PDCL3: variants seen among roughly 807,000 people sequenced by gnomAD.
PDCL3 encodes phosducin like 3.
In PDCL3, 22 loss-of-function variants were observed where a neutral mutation model predicts 26.5. The observed-to-expected ratio is 0.83, with a 90% CI of 0.59 to 1.19. The LOEUF (loss-of-function observed/expected upper bound fraction) is 1.19, where lower values mean the gene tolerates loss of function less well. Ranked by LOEUF, PDCL3 falls within the 50% of genes most tolerant of loss-of-function variation. The pLI is 0.00. For synonymous variants in PDCL3, 81 were observed against 104.9 expected, an observed-to-expected ratio of 0.77 and a Z score of 1.39; for missense variants, 246 against 294.1, an observed-to-expected ratio of 0.84 and a Z score of 1.20.
chr2:100,567,012 C>T (rs1006444089), intron 2 of PDCL3, among the ~76,000 whole-genome samples: 3 of 152,082 alleles, frequency 2.0e-5, no homozygotes, highest in East Asian at 1.9e-4. Context: ...TTTGGGGAGG[C>T]ATAAGATGTT....
At chr2:100,567,857 C>T (rs1293836486) in intron 2 of PDCL3, among the ~76,000 whole-genome samples, 2 of 150,436 alleles carry the variant, frequency 1.3e-5, no homozygotes, top group African/African-American at 2.5e-5. Flanking sequence ...GAGTCTCGCT[C>T]TCTTACCCAG....
Position 100,576,404 on chromosome 2 carries a change from G to A in PDCL3, c.628G>A (p.Glu210Lys), listed in dbSNP as rs1195594425. 16 of 1,613,854 alleles carry A rather than the reference G, an allele frequency of 9.9e-6. No individual in the cohort carries two copies. Among genetic ancestry groups the A allele is most frequent in the African/African-American group, 1.3e-5 (1 of 74,916 alleles). The change falls in exon 6 of 6, where the codon GAA becomes AAA. Residue 210 changes from glutamate to lysine, a missense_variant. By Grantham distance (56) the Glu-to-Lys change is moderately conservative. Transcript: ENST00000264254. ...ESGAIMTDLE[E>K]NPKKPIEDVL... ...TGGAGCAATTATGACAGACCTGGAG[G>A]AAAACCCTAAGAAGCCGATTGAAGA...
chr2:100,576,585 G>A lies in PDCL3; in HGVS notation c.*89G>A. 1 of 1,279,252 alleles carries A rather than the reference G, an allele frequency of 7.8e-7. No individual in the cohort carries two copies. Among genetic ancestry groups the A allele is most frequent in the Non-Finnish European group, 1.0e-6 (1 of 989,654 alleles). The allele number at this position is 1,279,252 out of a possible 1,614,324, so 79.2% of individuals were successfully genotyped here. A position where few individuals can be genotyped will look rare whatever the true frequency, so the allele number is the denominator to read the frequency against. On this transcript the variant is annotated 3_prime_UTR_variant, in exon 6 of 6. Coordinates refer to ENST00000264254, the MANE Select transcript of PDCL3 (RefSeq NM_024065.5). Reference sequence around the variant, plus strand: ...GAAAAAGCAAGAATGAATCCTTGTGGTTTTTAGTTTTGTATAAATTATGTT... The same window carrying A: ...GAAAAAGCAAGAATGAATCCTTGTGATTTTTAGTTTTGTATAAATTATGTT...
At chr2:100,573,057 G>C (rs1343568559) in intron 5 of PDCL3, among the ~76,000 whole-genome samples, 1 of 149,986 alleles carries the variant, frequency 6.7e-6, no homozygotes, top group Non-Finnish European at 1.5e-5. Flanking sequence ...GCTAATTTTT[G>C]TATTTTTAGT....
rs1674981456 is a variant in PDCL3 at position 100,563,135 on chromosome 2, G to T, written c.6+62G>T. The T allele has an allele frequency of 2.6e-6, 4 of 1,553,524 alleles. No homozygotes were observed. In the Admixed American group the frequency reaches 7.9e-5, roughly 31 times the overall value. ...CCCGTTCCTTTGTCTCGTTAGGCCC[G>T]GGCGGGCAGTGGACGCCCGCCCTGG... is the stretch of plus-strand genomic sequence containing the variant. On this transcript the variant is annotated intron_variant, in intron 1 of 5. Coordinates refer to ENST00000264254, the MANE Select transcript of PDCL3 (RefSeq NM_024065.5).
Position 100,566,409 on chromosome 2 carries a change from C to A in PDCL3, c.7-94C>A, listed in dbSNP as rs543390165. The stretch of plus-strand genomic sequence containing the variant: ...TTCACAGACTGGTGTGCATTCCTCC[C>A]TTCCTGTCACTTTTCCCATTTGGCC... On this transcript the variant is annotated intron_variant, in intron 1 of 5. Transcript: ENST00000264254. 5 of 1,453,600 alleles carry A rather than the reference C, an allele frequency of 3.4e-6. No individual in the cohort carries two copies. The African/African-American group carries it at 7.0e-5, about 20-fold the overall frequency. The allele number at this position is 1,453,600 out of a possible 1,614,324, so 90.0% of individuals were successfully genotyped here.
chr2:100,568,381 G>A (rs906988716), intron 2 of PDCL3, among the ~76,000 whole-genome samples: 1 of 128,246 alleles, frequency 7.8e-6, no homozygotes, highest in Non-Finnish European at 1.6e-5. Flanking sequence ...GCTCACTCCT[G>A]TAATCCCAGC....
At chr2:100,573,393 G>C (rs1055737143) in intron 5 of PDCL3, among the ~76,000 whole-genome samples, 1 of 152,008 alleles carries the variant, frequency 6.6e-6, no homozygotes, top group Non-Finnish European at 1.5e-5. Context: ...TCATCTGGCG[G>C]CCGGGTGCGG....
Position 100,574,192 on chromosome 2 carries a change from C to T in PDCL3, c.578-2162C>T, listed in dbSNP as rs559600730. Among the ~76,000 whole-genome samples, 104 of 152,026 alleles carry T rather than the reference C, an allele frequency of 6.8e-4. 1 individual carries two copies. The highest frequency in any genetic ancestry group is 2.1e-3 in the African/African-American group (89 of 41,474). On this transcript the variant is annotated intron_variant, in intron 5 of 5. Coordinates refer to ENST00000264254, the MANE Select transcript of PDCL3 (RefSeq NM_024065.5). ...CTAAGTTTTGTATTTTTAGTAGAGA[C>T]GGTTTCACCGTGTTGCCTAGGCTGG...
chr2:100,569,879 G>T (rs1337848945), intron 4 of PDCL3, among the ~76,000 whole-genome samples, 158 bp downstream of exon 4: 1 of 152,168 alleles, frequency 6.6e-6, no homozygotes, highest in African/African-American at 2.4e-5. Context: ...GGCTGAGGCA[G>T]GTGGATCATG....
chr2:100,568,492 TGTG>T, intron 2 of PDCL3, among the ~76,000 whole-genome samples: 1 of 152,028 alleles, frequency 6.6e-6, no homozygotes, highest in Non-Finnish European at 1.5e-5. Flanking sequence ...ATTAGCTGGG[TGTG>T]GTGGCACACG....
rs763921281 is a variant in PDCL3, at chr2:100,571,594, C to T, written c.373C>T (p.Pro125Ser). Reference protein sequence around the residue: ...VILHLYKQGIPLCALINQHLS... With the variant: ...VILHLYKQGISLCALINQHLS... ...TTTTCTATGTGTGTTTTATAGAATTCCCCTCTGTGCCCTGATAAATCAGCA... is the reference window on the plus strand; with the variant it reads ...TTTTCTATGTGTGTTTTATAGAATTTCCCTCTGTGCCCTGATAAATCAGCA... The change falls in exon 5 of 6, where the codon CCC (proline) becomes TCC (serine). Residue 125 changes from proline to serine, a missense_variant. Transcript: ENST00000264254. The T allele has an allele frequency of 1.1e-5, 17 of 1,612,252 alleles. No individual in the cohort carries two copies. In the Admixed American group the frequency reaches 2.7e-4, roughly 25 times the overall value.
intron 5 of PDCL3, among the ~76,000 whole-genome samples, chr2:100,575,344 C>A (rs1283548064): frequency 6.6e-6 from 1 of 152,148 alleles, no homozygotes; most frequent in Non-Finnish European, 1.5e-5. Context: ...ACCGTGTTAG[C>A]CAGGATGGTC....
chr2:100,567,598 C>T (rs1178237408), intron 2 of PDCL3, among the ~76,000 whole-genome samples: 12 of 151,844 alleles, frequency 7.9e-5, no homozygotes, highest in Non-Finnish European at 1.5e-5. Context: ...GTTGTTGAGA[C>T]CTGAAGGAGG....
chr2:100,572,989 A>G (rs1558698698), intron 5 of PDCL3, among the ~76,000 whole-genome samples: 1 of 151,814 alleles, frequency 6.6e-6, no homozygotes, highest in Non-Finnish European at 1.5e-5. Flanking sequence ...GTTTCAAGCA[A>G]TTCTCCTGCC....
intron 3 of PDCL3, 142 bp downstream of exon 3, chr2:100,569,163 G>A: frequency 2.9e-6 from 2 of 700,364 alleles, no homozygotes; most frequent in South Asian, 3.8e-5. Context: ...GGCTGAGGCA[G>A]GCAGATCGCT....
chr2:100,564,488 A>G (rs1338479737), intron 1 of PDCL3, among the ~76,000 whole-genome samples: 2 of 151,972 alleles, frequency 1.3e-5, no homozygotes, highest in African/African-American at 2.4e-5. Flanking sequence ...AGTAGAGACA[A>G]GGTTTCACCA....
chr2:100,570,277 A>T (rs531655546), intron 4 of PDCL3, among the ~76,000 whole-genome samples: 1 of 152,142 alleles, frequency 6.6e-6, no homozygotes, highest in African/African-American at 2.4e-5. Flanking sequence ...GTTTTTGAAA[A>T]GGAATTCCTA....
chr2:100,571,126 A>AAACAACAACAAAAAAAAAAAAAC (rs1409370341), intron 4 of PDCL3, among the ~76,000 whole-genome samples: 1 of 142,656 alleles, frequency 7.0e-6, no homozygotes, highest in African/African-American at 2.7e-5. Flanking sequence ...AAAAAAAAAA[A>AAACAACAACAAAAAAAAAAAAAC]AAAAAATCAG....
Sources: gnomAD v4.1 joint callset for allele counts (sites outside exome capture counted in the v4.1 genomes callset) on GRCh38, gnomAD v4.1.1 for gene constraint, MANE v1.5 for transcripts, NCBI Gene and HGNC (gene_info 2026-07-23, HGNC 2026-07-21) for gene names.